Variants in MAF observed in about 807,000 individuals in gnomAD.
The protein encoded by MAF is transcription factor Maf.
MAF carries 10 observed loss-of-function variants against 22.0 expected under a neutral mutation model. The ratio of observed to expected loss-of-function variants is 0.45; its 90% CI spans 0.28 to 0.77. The LOEUF (loss-of-function observed/expected upper bound fraction) is 0.77, where lower values mean the gene tolerates loss of function less well. MAF is among the 30% of genes least tolerant of loss of function. The pLI is 0.12. For missense variants in MAF, 544 were observed against 548.4 expected, an observed-to-expected ratio of 0.99 and a Z score of 0.08; for synonymous variants, 337 against 255.8, an observed-to-expected ratio of 1.32 and a Z score of -3.03.
the MAF span, among the ~76,000 whole-genome samples, chr16:79,343,324 A>G: frequency 6.6e-6 from 1 of 151,782 alleles, no homozygotes; most frequent in African/African-American, 2.4e-5. Flanking sequence ...ATAGAAGAGG[A>G]CTTCCTATGT....
the MAF span, among the ~76,000 whole-genome samples, chr16:79,577,247 T>A: frequency 1.3e-5 from 2 of 152,028 alleles, no homozygotes; most frequent in Non-Finnish European, 2.9e-5. Context: ...CAGTCAACCC[T>A]ACTGAGAAAA....
the MAF span, chr16:79,211,914 A>G: frequency 5.2e-6 from 8 of 1,547,448 alleles, no homozygotes; most frequent in Admixed American, 1.9e-5. Context: ...AGTAAAGGAA[A>G]TAAGAGCAGT....
the MAF span, chr16:79,203,290 C>G: frequency 6.6e-6 from 1 of 152,202 alleles, no homozygotes; most frequent in Non-Finnish European, 1.5e-5. Context: ...GTCTTGGAAC[C>G]TGAGAAATGG....
the MAF span, among the ~76,000 whole-genome samples, chr16:79,553,528 T>A: frequency 6.6e-6 from 1 of 152,318 alleles, no homozygotes; most frequent in African/African-American, 2.4e-5. Context: ...CCTCAGCATA[T>A]TGCCTCCACA....
At chr16:79,383,719 C>T in the MAF span, among the ~76,000 whole-genome samples, 1 of 152,110 alleles carries the variant, frequency 6.6e-6, no homozygotes, top group Non-Finnish European at 1.5e-5. Flanking sequence ...TTACGCTGGT[C>T]CTCTTTGAAA....
At chr16:79,439,004 G>T in the MAF span, among the ~76,000 whole-genome samples, 1 of 151,938 alleles carries the variant, frequency 6.6e-6, no homozygotes. Flanking sequence ...TTGACTTCAG[G>T]CCTGTCCACC....
the MAF span, among the ~76,000 whole-genome samples, chr16:79,397,758 TA>T: frequency 6.6e-6 from 1 of 152,146 alleles, no homozygotes; most frequent in Non-Finnish European, 1.5e-5. Flanking sequence ...AGGCTGGCTC[TA>T]AGGGTAGAGC....
chr16:79,508,100 G>C, the MAF span, among the ~76,000 whole-genome samples: 1 of 152,178 alleles, frequency 6.6e-6, no homozygotes, highest in Non-Finnish European at 1.5e-5. Context: ...GGGGAAGGAA[G>C]AAGGCGCAGC....
chr16:79,499,772 T>C, the MAF span, among the ~76,000 whole-genome samples: 180 of 152,206 alleles, frequency 1.2e-3, 1 homozygote, highest in Non-Finnish European at 5.9e-5. Flanking sequence ...GTTTATAAGC[T>C]ACCCAATATT....
chr16:79,210,796 C>T, the MAF span, among the ~76,000 whole-genome samples: 4 of 152,062 alleles, frequency 2.6e-5, no homozygotes, highest in Non-Finnish European at 4.4e-5. Flanking sequence ...TGATATGATG[C>T]CTCATCACTG....
At chr16:79,489,358 CATCT>C in the MAF span, among the ~76,000 whole-genome samples, 2 of 152,148 alleles carry the variant, frequency 1.3e-5, no homozygotes, top group African/African-American at 4.8e-5. Flanking sequence ...TCCATCCATC[CATCT>C]ATCCATCCAT....
At chr16:79,294,253 T>C in the MAF span, among the ~76,000 whole-genome samples, 1 of 152,240 alleles carries the variant, frequency 6.6e-6, no homozygotes, top group African/African-American at 2.4e-5. Context: ...ATCCTTCCTC[T>C]TAGACTCTTG....
At chr16:79,281,364 A>T in the MAF span, among the ~76,000 whole-genome samples, 1 of 152,128 alleles carries the variant, frequency 6.6e-6, no homozygotes, top group Non-Finnish European at 1.5e-5. Context: ...TCTATGGTTT[A>T]ATAAAAGAAG....
the MAF span, among the ~76,000 whole-genome samples, chr16:79,577,287 G>C: frequency 6.6e-6 from 1 of 152,106 alleles, no homozygotes; most frequent in Non-Finnish European, 1.5e-5. Flanking sequence ...GAGGGCACCT[G>C]GGCTCCTACT....
At chr16:79,294,193 A>G in the MAF span, among the ~76,000 whole-genome samples, 3 of 152,330 alleles carry the variant, frequency 2.0e-5, no homozygotes, top group South Asian at 4.1e-4. Context: ...CATTCTTTGA[A>G]TATCAAGAGC....
At chr16:79,485,337 T>A in the MAF span, among the ~76,000 whole-genome samples, 17 of 152,340 alleles carry the variant, frequency 1.1e-4, no homozygotes. Flanking sequence ...ACGACAGCGA[T>A]TGGCACACAG....
the MAF span, among the ~76,000 whole-genome samples, chr16:79,431,872 G>C: frequency 9.2e-5 from 14 of 152,298 alleles, no homozygotes; most frequent in East Asian, 2.7e-3. Flanking sequence ...TCCTTAGCAA[G>C]TGTTACAGGT....
chr16:79,225,597 G>C, the MAF span, among the ~76,000 whole-genome samples: 260 of 152,196 alleles, frequency 1.7e-3, 3 homozygotes, highest in Middle Eastern at 0.01. Flanking sequence ...GAAACCTACA[G>C]AATGGGAGAA....
chr16:79,431,054 T>A, the MAF span, among the ~76,000 whole-genome samples: 7 of 152,238 alleles, frequency 4.6e-5, no homozygotes, highest in African/African-American at 1.7e-4. Context: ...CCTGGGGACC[T>A]GCAGATCATT....
Sources: gnomAD v4.1 joint callset for allele counts (sites outside exome capture counted in the v4.1 genomes callset) on GRCh38, gnomAD v4.1.1 for gene constraint, MANE v1.5 for transcripts, NCBI Gene and HGNC (gene_info 2026-07-23, HGNC 2026-07-21) for gene names.